The following TNS1 variants were observed in gnomAD, a reference collection of about 807,000 sequenced individuals.
TNS1 encodes tensin-1.
TNS1 carries 62 observed loss-of-function variants against 168.6 expected under a neutral mutation model. That is an observed-to-expected ratio of 0.37 (90% CI 0.30 to 0.45). The LOEUF is 0.45. Ranked by LOEUF, TNS1 falls within the 20% of genes least tolerant of loss-of-function variation. The pLI is 1.00. For synonymous variants in TNS1, 934 were observed against 933.2 expected (o/e 1.00, Z -0.02); for missense variants, 2,240 against 2,339.4 (o/e 0.96, Z 0.88).
intron 12 of TNS1, chr2:217,890,481 G>A (rs1366586150): frequency 6.4e-6 from 1 of 155,752 alleles, no homozygotes; most frequent in Non-Finnish European, 1.4e-5. Flanking sequence ...GGGCTATTGT[G>A]AGACTCCAAT....
In TNS1 at chr2:217,801,069, A is replaced by G. The variant is rs1352865658; in HGVS notation, c.*3390T>C. 1 of 152,024 alleles carries G rather than the reference A, an allele frequency of 6.6e-6. No homozygotes were observed. The highest frequency in any genetic ancestry group is 1.5e-5 in the Non-Finnish European group (1 of 68,006). The allele number at this position is 152,024 out of a possible 1,614,324, so 9.4% of individuals were successfully genotyped here. A position where few individuals can be genotyped will look rare whatever the true frequency, so the allele number is the denominator to read the frequency against. Reference sequence around the variant, plus strand: ...CAGGGATCCTCAAAAACCAGGGGAGAAGGAATCCTGGCCATTGGTGTCCAC... The same window carrying G: ...CAGGGATCCTCAAAAACCAGGGGAGGAGGAATCCTGGCCATTGGTGTCCAC... On this transcript the variant is annotated 3_prime_UTR_variant, in exon 33 of 33. Coordinates refer to ENST00000682258, the MANE Select transcript of TNS1 (RefSeq NM_001387777.1).
At chr2:217,924,861 C>A (rs4674226) in intron 3 of TNS1, among the ~76,000 whole-genome samples, 3 of 152,164 alleles carry the variant, frequency 2.0e-5, no homozygotes, top group African/African-American at 7.2e-5. Context: ...GGGTGTCTGG[C>A]GCAGTGGTTA....
chr2:217,809,087 G>GGT (rs1463595533), intron 30 of TNS1, among the ~76,000 whole-genome samples: 1 of 152,182 alleles, frequency 6.6e-6, no homozygotes, highest in Admixed American at 6.5e-5. Context: ...TGGATGAATG[G>GGT]GTGGATGGAT....
rs113758900 is a variant in TNS1, at chr2:218,028,926, G to C, written c.156+4894C>G. ...ACTCACAGGCTGCGGCCCCTCTGGG[G>C]TCTGCCTTAGCTTGCCTGCCCTTGG... On this transcript the variant is annotated intron_variant, in intron 1 of 1. Transcript: ENST00000649572. Among the ~76,000 whole-genome samples, 314 of 152,354 alleles carry C rather than the reference G, an allele frequency of 2.1e-3. 1 individual carries two copies. The highest frequency in any genetic ancestry group is 7.3e-3 in the African/African-American group (305 of 41,588).
chr2:217,861,806 G>A (rs1293109355), intron 18 of TNS1, among the ~76,000 whole-genome samples: 1 of 152,208 alleles, frequency 6.6e-6, no homozygotes, highest in South Asian at 2.1e-4. Flanking sequence ...CAGAACACGA[G>A]TAGTGCAGCG....
At chr2:217,949,931 A>C (rs1372336399) in intron 3 of TNS1, among the ~76,000 whole-genome samples, 2 of 152,178 alleles carry the variant, frequency 1.3e-5, no homozygotes, top group East Asian at 3.8e-4. Context: ...AAAAGGTCTA[A>C]AATTTATTGA....
chr2:217,849,200 T>C lies in TNS1; in HGVS notation c.1430-113A>G, dbSNP rs1947133584. 3.0e-6 allele frequency: 4 copies of C among 1,313,558 alleles called. No homozygotes were observed. In the East Asian group the frequency reaches 9.4e-5, roughly 31 times the overall value. 81.4% of individuals were successfully genotyped at this position (1,313,558 alleles called of 1,614,324 possible). On this transcript the variant is annotated intron_variant, in intron 18 of 32. Coordinates refer to ENST00000682258, the MANE Select transcript of TNS1 (RefSeq NM_001387777.1). ...CTAAGAGCTCCCATGCCCTGCATCC[T>C]AAAACCTCCTCTCACCACCCTGAGG...
intron 21 of TNS1, among the ~76,000 whole-genome samples, chr2:217,834,329 G>A (rs886480901): frequency 6.6e-6 from 1 of 152,216 alleles, no homozygotes; most frequent in African/African-American, 2.4e-5. Flanking sequence ...CCTGATCCCT[G>A]AACAGCACCA....
At chr2:217,957,840 CAAAAA>C (rs35149245) in intron 3 of TNS1, among the ~76,000 whole-genome samples, 37 of 74,212 alleles carry the variant, frequency 5.0e-4, no homozygotes, top group South Asian at 4.3e-3. Flanking sequence ...AGTACTCCCG[CAAAAA>C]AAAAAAAAAA....
Position 218,002,158 on chromosome 2 carries a change from C to A in TNS1, c.33+682G>T, listed in dbSNP as rs114749253. ...TAACCTTCACCACGTGGCCCCCAGG[C>A]CTCTCTGCTGGCCCCCCTGGCATCC... On this transcript the variant is annotated intron_variant, in intron 1 of 32. Transcript: ENST00000682258. Among the ~76,000 whole-genome samples the A allele has an allele frequency of 3.5e-3, 538 of 152,270 alleles. 5 individuals carry two copies. Among genetic ancestry groups the A allele is most frequent in the African/African-American group, 0.012 (512 of 41,550 alleles).
intron 19 of TNS1, chr2:217,841,432 CA>C (rs893235111): frequency 1.0e-5 from 2 of 192,688 alleles, no homozygotes; most frequent in Admixed American, 6.5e-5. Flanking sequence ...GGGCATTAAA[CA>C]GGACAAAACA....
chr2:217,935,954 C>T (rs181617442), intron 3 of TNS1, among the ~76,000 whole-genome samples: 1 of 152,316 alleles, frequency 6.6e-6, no homozygotes, highest in East Asian at 1.9e-4. Flanking sequence ...ATCACACTGC[C>T]TCATGAGAGG....
chr2:218,020,821 C>G (rs1212279736), intron 1 of TNS1, among the ~76,000 whole-genome samples: 2 of 152,124 alleles, frequency 1.3e-5, no homozygotes, highest in African/African-American at 4.8e-5. Flanking sequence ...GCCAGATACC[C>G]CAGAGCAACC....
Position 218,032,879 on chromosome 2 carries a change from C to T in TNS1, c.156+941G>A, listed in dbSNP as rs1958908992. On this transcript the variant is annotated intron_variant, in intron 1 of 1. Coordinates refer to the TNS1 transcript ENST00000649572. This position sits in a 1 kb window ranked among gnomAD's most constrained non-coding sequence, Gnocchi z 4.0. ...AACCAGCTCATCTGATGCAGACACT[C>T]GTCCCCATCCCTCTCCCTGCCACTG... is the stretch of plus-strand genomic sequence containing the variant. Among the ~76,000 whole-genome samples the T allele has an allele frequency of 1.3e-5, 2 of 152,164 alleles. No homozygotes were observed. The highest frequency in any genetic ancestry group is 3.4e-3 in the Middle Eastern group (1 of 294).
chr2:217,849,317 C>T (rs917393811), intron 18 of TNS1, among the ~76,000 whole-genome samples: 9 of 152,132 alleles, frequency 5.9e-5, no homozygotes, highest in African/African-American at 1.9e-4. Flanking sequence ...GCAGTGGAGC[C>T]CAACACTGAG....
chr2:217,829,507 C>T (rs1390365078), intron 22 of TNS1, among the ~76,000 whole-genome samples: 2 of 152,248 alleles, frequency 1.3e-5, no homozygotes, highest in Admixed American at 6.5e-5. Flanking sequence ...CTGTCTACCT[C>T]TATGAGCTGC....
Position 217,977,446 on chromosome 2 carries a change from T to C in TNS1, c.186+1319A>G, listed in dbSNP as rs1197360579. Reference sequence around the variant, plus strand: ...GATGGAGACGCCCTCCAGCAAGGTGTGTGCTCGGCTTTAGTAAAGTTTCTT... The same window carrying C: ...GATGGAGACGCCCTCCAGCAAGGTGCGTGCTCGGCTTTAGTAAAGTTTCTT... On this transcript the variant is annotated intron_variant, in intron 3 of 32. Transcript: ENST00000682258. Among the ~76,000 whole-genome samples the C allele has an allele frequency of 4.3e-4, 66 of 152,212 alleles. 1 individual carries two copies. Among genetic ancestry groups the C allele is most frequent in the Non-Finnish European group, 5.9e-5 (4 of 68,040 alleles).
intron 22 of TNS1, among the ~76,000 whole-genome samples, chr2:217,823,501 G>C (rs958677002): frequency 6.6e-6 from 1 of 152,224 alleles, no homozygotes; most frequent in African/African-American, 2.4e-5. Flanking sequence ...TTGCTGCATA[G>C]GGGCATGGCC....
chr2:217,900,696 C>A, intron 6 of TNS1, 184 bp from the exon 7 acceptor site: 1 of 646,886 alleles, frequency 1.5e-6, no homozygotes, highest in Admixed American at 3.0e-5. Context: ...AACACTGATT[C>A]CACGTGAGTG....
Sources: gnomAD v4.1 joint callset for allele counts (sites outside exome capture counted in the v4.1 genomes callset) on GRCh38, gnomAD v4.1.1 for gene constraint, Gnocchi (gnomAD v3.1) non-coding constraint, MANE v1.5 for transcripts, NCBI Gene and HGNC (gene_info 2026-07-23, HGNC 2026-07-21) for gene names.